Variants in HPSE2 observed in about 807,000 individuals in gnomAD.
HPSE2 encodes inactive heparanase-2.
A neutral mutation model predicts 60.5 loss-of-function variants in HPSE2; 38 were observed. That is an observed-to-expected ratio of 0.63 (90% confidence interval 0.48 to 0.82). HPSE2 has a LOEUF of 0.82. HPSE2 is among the 40% of genes least tolerant of loss of function. HPSE2 has a pLI of 0.00. For synonymous variants in HPSE2, 295 were observed against 293.2 expected (o/e 1.01, Z -0.06); for missense variants, 713 against 740.4 (o/e 0.96, Z 0.43).
At chr10:98,720,087 C>T (rs1323313315) in intron 5 of HPSE2, among the ~76,000 whole-genome samples, 5 of 151,598 alleles carry the variant, frequency 3.3e-5, no homozygotes, top group Admixed American at 3.3e-4. Context: ...CAAGAAATCA[C>T]TTAGAATTAA....
chr10:98,748,812 A>C (rs1309657479), intron 3 of HPSE2, among the ~76,000 whole-genome samples: 1 of 152,170 alleles, frequency 6.6e-6, no homozygotes, highest in Non-Finnish European at 1.5e-5. Context: ...CCAAAATAAG[A>C]GAGTTGCAAG....
intron 6 of HPSE2, among the ~76,000 whole-genome samples, chr10:98,656,761 GTTT>G (rs1395202438): frequency 3.6e-5 from 5 of 138,786 alleles, no homozygotes; most frequent in African/African-American, 2.6e-5. Context: ...CAGCTGATAG[GTTT>G]TTTTTTTTTT....
intron 3 of HPSE2, among the ~76,000 whole-genome samples, chr10:98,888,685 C>T (rs1420412296): frequency 1.3e-5 from 2 of 152,164 alleles, no homozygotes; most frequent in Non-Finnish European, 2.9e-5. Context: ...GGCATAAAGA[C>T]ACTGAAAAAC....
chr10:99,267,844 A>G, the HPSE2 span, among the ~76,000 whole-genome samples: 2 of 152,104 alleles, frequency 1.3e-5, no homozygotes, highest in Non-Finnish European at 2.9e-5. Flanking sequence ...GTTCCTGAGG[A>G]AGAAGAGAAA....
At chr10:98,789,192 A>G (rs1004615145) in intron 3 of HPSE2, among the ~76,000 whole-genome samples, 1 of 152,216 alleles carries the variant, frequency 6.6e-6, no homozygotes, top group Non-Finnish European at 1.5e-5. Flanking sequence ...ATAAATGAAT[A>G]TAAAGATGGT....
intron 9 of HPSE2, among the ~76,000 whole-genome samples, chr10:98,540,784 A>G (rs1000063883): frequency 4.6e-5 from 7 of 152,220 alleles, no homozygotes; most frequent in African/African-American, 1.7e-4. Context: ...CTTATAAACC[A>G]GTCAGGAAAC....
At chr10:99,094,195 A>C (rs1486340726) in intron 3 of HPSE2, among the ~76,000 whole-genome samples, 1 of 151,906 alleles carries the variant, frequency 6.6e-6, no homozygotes, top group South Asian at 2.1e-4. Context: ...TTTGTTTTTT[A>C]ATTTCCACAT....
chr10:98,953,687 G>GA (rs1181449422), intron 3 of HPSE2, among the ~76,000 whole-genome samples: 6 of 152,010 alleles, frequency 3.9e-5, no homozygotes, highest in Non-Finnish European at 5.9e-5. Context: ...ACTAGAGAGT[G>GA]AAAAAAACAG....
chr10:99,177,989 T>C (rs1448136471), intron 2 of HPSE2, among the ~76,000 whole-genome samples: 1 of 151,886 alleles, frequency 6.6e-6, no homozygotes, highest in Admixed American at 6.6e-5. Flanking sequence ...TACAACTACA[T>C]GGAAAATGAA....
At position 98,869,142 on chromosome 10, in the gene HPSE2, T is replaced by C. The variant is rs1038323244; in HGVS notation, c.611-125086A>G. Among the ~76,000 whole-genome samples the C allele has an allele frequency of 5.3e-5, 8 of 152,224 alleles. No individual in the cohort carries two copies. In the South Asian group the frequency reaches 1.4e-3, roughly 28 times the overall value. ...TTTGAGATTCAACTTTCTATATCCT[T>C]AGTGATTTTTTTTTGTCTGCTTGTT... On this transcript the variant is annotated intron_variant, in intron 3 of 11. Coordinates refer to ENST00000370552, the MANE Select transcript of HPSE2 (RefSeq NM_021828.5).
chr10:98,716,995 C>G (rs1189651669), intron 5 of HPSE2, among the ~76,000 whole-genome samples: 1 of 152,086 alleles, frequency 6.6e-6, no homozygotes, highest in Non-Finnish European at 1.5e-5. Context: ...AAGGATGTCT[C>G]ATCCATATTG....
intron 9 of HPSE2, among the ~76,000 whole-genome samples, chr10:98,496,593 C>T (rs1303994778): frequency 6.6e-6 from 1 of 152,250 alleles, no homozygotes; most frequent in African/African-American, 2.4e-5. Context: ...GAGCTAAGAG[C>T]TGAAATTGAC....
chr10:98,908,139 T>C (rs1157324202), intron 3 of HPSE2, among the ~76,000 whole-genome samples: 2 of 152,148 alleles, frequency 1.3e-5, no homozygotes, highest in African/African-American at 4.8e-5. Flanking sequence ...TATTCTAAGC[T>C]CTTTACCTGC....
At chr10:98,991,042 C>G (rs558959457) in intron 3 of HPSE2, among the ~76,000 whole-genome samples, 2 of 152,264 alleles carry the variant, frequency 1.3e-5, no homozygotes, top group South Asian at 4.1e-4. Flanking sequence ...TTTTCTCATA[C>G]CATTTCCCTA....
chr10:99,002,051 C>A (rs1435952042), intron 3 of HPSE2, among the ~76,000 whole-genome samples: 1 of 152,002 alleles, frequency 6.6e-6, no homozygotes, highest in Non-Finnish European at 1.5e-5. Flanking sequence ...ATGGCAAAAG[C>A]AACTACTCAT....
At chr10:99,225,639 G>C (rs535373035) in intron 2 of HPSE2, among the ~76,000 whole-genome samples, 1 of 152,186 alleles carries the variant, frequency 6.6e-6, no homozygotes, top group African/African-American at 2.4e-5. Flanking sequence ...TTAGTTAGAG[G>C]GAGGGGATGA....
intron 6 of HPSE2, among the ~76,000 whole-genome samples, chr10:98,663,838 T>C (rs1294012947): frequency 6.6e-6 from 1 of 152,126 alleles, no homozygotes; most frequent in African/African-American, 2.4e-5. Flanking sequence ...ACGCCAGTAG[T>C]GGTCACAGTC....
intron 2 of HPSE2, among the ~76,000 whole-genome samples, chr10:99,177,354 G>A (rs1780152870): frequency 6.6e-6 from 1 of 152,082 alleles, no homozygotes; most frequent in Non-Finnish European, 1.5e-5. Context: ...AGACCCATCA[G>A]TGTGCTGTAT....
At chr10:99,017,396 G>C (rs932598370) in intron 3 of HPSE2, among the ~76,000 whole-genome samples, 1 of 152,086 alleles carries the variant, frequency 6.6e-6, no homozygotes, top group Non-Finnish European at 1.5e-5. Flanking sequence ...TGGTGAATAA[G>C]CTTTTTGATA....
Sources: gnomAD v4.1 joint callset for allele counts (sites outside exome capture counted in the v4.1 genomes callset) on GRCh38, gnomAD v4.1.1 for gene constraint, MANE v1.5 for transcripts, NCBI Gene and HGNC (gene_info 2026-07-23, HGNC 2026-07-21) for gene names.